Variants in SYCP2 observed in about 807,000 individuals in gnomAD.
SYCP2 encodes synaptonemal complex protein 2, also known as synaptonemal complex lateral element protein.
Under a neutral mutation model 211.3 loss-of-function variants are expected in SYCP2, and 55 were observed. The observed-to-expected ratio is 0.26, with a 90% CI of 0.21 to 0.33. The LOEUF (loss-of-function observed/expected upper bound fraction) is 0.33, where lower values mean the gene tolerates loss of function less well. Ranked by LOEUF, SYCP2 falls within the 10% of genes least tolerant of loss-of-function variation. SYCP2 has a pLI of 1.00. For synonymous variants in SYCP2, 570 were observed against 555.2 expected, an observed-to-expected ratio of 1.03 and a Z score of -0.37; for missense variants, 1,731 against 1,752.0, an observed-to-expected ratio of 0.99 and a Z score of 0.21.
At chr20:59,875,241 C>T (rs776356970) in intron 34 of SYCP2, 30 bp downstream of exon 34, 1 of 1,417,024 alleles carries the variant, frequency 7.1e-7, no homozygotes, top group Non-Finnish European at 9.7e-7. Flanking sequence ...ATTGAATATT[C>T]AAGTAAAGAA....
chr20:59,904,195 C>T lies in SYCP2; in HGVS notation c.1034-2385G>A, dbSNP rs573616616. ...ACCAAACCTGATAAAAGGCAGTTAA[C>T]TCTCTTATAGTCTCATGGGCTTGGA... On this transcript the variant is annotated intron_variant, in intron 15 of 44. Transcript: ENST00000357552. Among the ~76,000 whole-genome samples the T allele has an allele frequency of 2.6e-5, 4 of 152,274 alleles. No homozygotes were observed. The East Asian group carries it at 7.7e-4, about 29-fold the overall frequency.
In SYCP2 at chr20:59,881,766, T is replaced by A. The variant is rs188920475; in HGVS notation, c.2658+179A>T. Among the ~76,000 whole-genome samples, 1,501 of 134,786 alleles carry A rather than the reference T, an allele frequency of 0.011. 28 individuals carry two copies. Among genetic ancestry groups the A allele is most frequent in the African/African-American group, 0.034 (1,232 of 36,606 alleles). 88.4% of individuals were successfully genotyped at this position (134,786 alleles called of 152,430 possible). A position where few individuals can be genotyped will look rare whatever the true frequency, so the allele number is the denominator to read the frequency against. On this transcript the variant is annotated intron_variant, in intron 28 of 44. Transcript: ENST00000357552. ...TCTACCTTATTCCTAAACAAAAATT[T>A]AAAAAAAAAAAAAGCCACCTAAATA...
rs139099210 is a variant in SYCP2, at chr20:59,924,879, CAT to C, written c.-46-2422_-46-2421del. Among the ~76,000 whole-genome samples the C allele has an allele frequency of 9.1e-3, 1,379 of 152,000 alleles. 10 individuals carry two copies. Among genetic ancestry groups the C allele is most frequent in the Non-Finnish European group, 0.016 (1,055 of 67,882 alleles). On this transcript the variant is annotated intron_variant, in intron 2 of 44. Transcript: ENST00000357552. ...GACTTGACTTATGATCAAGGTAGAA[CAT>C]AAAGCAGTAAGGAAAGGGTAAGATA...
intron 1 of SYCP2, among the ~76,000 whole-genome samples, chr20:59,932,786 G>T (rs912676699): frequency 2.0e-5 from 3 of 152,176 alleles, no homozygotes; most frequent in African/African-American, 4.8e-5. Flanking sequence ...GCATTGAGCC[G>T]CCGCGGGACG....
intron 20 of SYCP2, 25 bp from the exon 21 acceptor site, chr20:59,893,618 C>T (rs371864523): frequency 4.2e-5 from 66 of 1,558,012 alleles, no homozygotes; most frequent in Admixed American, 7.0e-5. Flanking sequence ...AACAGGTTAA[C>T]GTAAACTTAA....
rs754569762 is a variant in SYCP2 at position 59,900,767 on chromosome 20, G to A, written c.1234C>T (p.Leu412Phe). Reference sequence around the variant, plus strand: ...ACCTGTGATCCACTTGCGTCAAAAAGTATATGCAGCGACGTTTTGGCAACT... The same window carrying A: ...ACCTGTGATCCACTTGCGTCAAAAAATATATGCAGCGACGTTTTGGCAACT... ...ISVAKTSLHI[L>F]FDASGSQILV... Residue 412 changes from leucine (L) to phenylalanine (F), a missense_variant, in exon 17 of 45, where the codon CTT (leucine) becomes TTT (phenylalanine). Physicochemically the swap from Leu to Phe is conservative, Grantham distance 22 (BLOSUM62 0). Coordinates refer to ENST00000357552, the MANE Select transcript of SYCP2 (RefSeq NM_014258.4). The A allele has an allele frequency of 1.9e-6, 3 of 1,612,846 alleles. No homozygotes were observed. The Admixed American group carries it at 5.0e-5, about 27-fold the overall frequency.
intron 15 of SYCP2, among the ~76,000 whole-genome samples, chr20:59,905,115 G>A (rs2060189916): frequency 6.6e-6 from 1 of 152,184 alleles, no homozygotes; most frequent in Admixed American, 6.5e-5. Flanking sequence ...CATAAGAAGT[G>A]TTAGAAAGGA....
chr20:59,907,880 T>C (rs1387756395), intron 14 of SYCP2, among the ~76,000 whole-genome samples: 1 of 152,210 alleles, frequency 6.6e-6, no homozygotes. Flanking sequence ...CCTAAAATGT[T>C]TGCCCCAAGT....
chr20:59,930,434 AAAGC>A (rs2060717064), intron 2 of SYCP2, among the ~76,000 whole-genome samples: 2 of 152,218 alleles, frequency 1.3e-5, no homozygotes, highest in African/African-American at 2.4e-5. Context: ...CTTCCCCTGC[AAAGC>A]AAGAACACAG....
At chr20:59,932,999 A>AC (rs202021716) in intron 1 of SYCP2, among the ~76,000 whole-genome samples, 2 of 150,816 alleles carry the variant, frequency 1.3e-5, no homozygotes, top group African/African-American at 4.9e-5. Context: ...CGGCACGGTG[A>AC]CCCTTTTCCC....
chr20:59,905,714 G>A (rs182412404), intron 15 of SYCP2, among the ~76,000 whole-genome samples: 7 of 152,228 alleles, frequency 4.6e-5, no homozygotes, highest in Admixed American at 1.3e-4. Flanking sequence ...AGTTATCAAC[G>A]TCCTTAATCT....
At chr20:59,876,144 G>A (rs907857892) in intron 33 of SYCP2, among the ~76,000 whole-genome samples, 7 of 151,478 alleles carry the variant, frequency 4.6e-5, no homozygotes, top group Non-Finnish European at 8.8e-5. Context: ...AGGCCGAGGC[G>A]GGCAGATCAT....
intron 2 of SYCP2, among the ~76,000 whole-genome samples, chr20:59,928,770 T>C (rs1048816222): frequency 1.3e-5 from 2 of 151,942 alleles, no homozygotes; most frequent in Non-Finnish European, 1.5e-5. Flanking sequence ...GTGGAAAAAA[T>C]AACATTAGAA....
intron 39 of SYCP2, among the ~76,000 whole-genome samples, 182 bp from the exon 40 acceptor site, chr20:59,866,771 AT>A (rs2059345908): frequency 1.3e-5 from 2 of 151,548 alleles, no homozygotes; most frequent in Non-Finnish European, 3.0e-5. Flanking sequence ...GAGTGAACTT[AT>A]TTAACTCCAT....
chr20:59,907,293 C>G (rs2060230995), intron 15 of SYCP2, 71 bp downstream of exon 15: 1 of 1,000,780 alleles, frequency 1.0e-6, no homozygotes, highest in African/African-American at 1.7e-5. Flanking sequence ...TTTGTTAACC[C>G]AGAAAGGATG....
chr20:59,879,793 GA>G (rs2059631189), intron 31 of SYCP2, among the ~76,000 whole-genome samples: 1 of 140,438 alleles, frequency 7.1e-6, no homozygotes, highest in Non-Finnish European at 1.5e-5. Context: ...GGTGCAGCAA[GA>G]AGATGGGATA....
At chr20:59,865,963 G>C (rs1447721911) in intron 41 of SYCP2, 98 bp from the exon 42 acceptor site, 19 of 503,558 alleles carry the variant, frequency 3.8e-5, no homozygotes, top group Non-Finnish European at 6.0e-5. Flanking sequence ...AAATCCAACA[G>C]TAGAATTACT....
chr20:59,921,874 T>C (rs1376541690), intron 3 of SYCP2, among the ~76,000 whole-genome samples: 1 of 151,592 alleles, frequency 6.6e-6, no homozygotes, highest in Non-Finnish European at 1.5e-5. Context: ...AAGCACCTTT[T>C]AGAAATTATG....
In SYCP2 at chr20:59,875,332, A is replaced by G. The variant is rs945996734; in HGVS notation, c.3288T>C (p.Asn1096=). Residue 1096 remains asparagine, a synonymous_variant, in exon 34 of 45, where the codon AAT becomes AAC. Transcript: ENST00000357552. ...AAGATCTGGGAGATAAGTCAAGGCA[A>G]TTATCTCGTATAGCATCTTTTAGTA... ...SSLLKDAIRD[N]CLDLSPRSLS... 6.2e-7 allele frequency: 1 copy of G among 1,611,650 alleles called. No individual in the cohort carries two copies. Among genetic ancestry groups the G allele is most frequent in the Non-Finnish European group, 8.5e-7 (1 of 1,178,512 alleles).
Sources: gnomAD v4.1 joint callset for allele counts (sites outside exome capture counted in the v4.1 genomes callset) on GRCh38, gnomAD v4.1.1 for gene constraint, MANE v1.5 for transcripts, NCBI Gene and HGNC (gene_info 2026-07-23, HGNC 2026-07-21) for gene names.